The following PCDH11X variants were observed in gnomAD, a reference collection of about 807,000 sequenced individuals.
The protein encoded by PCDH11X is protocadherin-11 X-linked.
A neutral mutation model predicts 53.3 loss-of-function variants in PCDH11X; 18 were observed. The ratio of observed to expected loss-of-function variants is 0.34; its 90% CI spans 0.23 to 0.50. PCDH11X has a LOEUF of 0.50. Among genes scored for constraint, PCDH11X ranks in the 20% least tolerant of loss-of-function variants. The pLI is 0.98. For missense variants in PCDH11X, 570 were observed against 1,032.4 expected, an observed-to-expected ratio of 0.55 and a Z score of 6.14; for synonymous variants, 279 against 393.3, an observed-to-expected ratio of 0.71 and a Z score of 3.44.
chrX:92,279,184 T>A (rs186653883), intron 8 of PCDH11X, among the ~76,000 whole-genome samples: 1 of 112,411 alleles, frequency 8.9e-6, no homozygotes, highest in South Asian at 3.6e-4. Flanking sequence ...CTTCCCACTA[T>A]ATTTGATTCC....
intron 10 of PCDH11X, among the ~76,000 whole-genome samples, chrX:92,468,582 GTTAT>G (rs1042476864): frequency 9.2e-6 from 1 of 108,954 alleles, no homozygotes; most frequent in Non-Finnish European, 1.9e-5. Flanking sequence ...TGACTCTATA[GTTAT>G]TTATTTGGCT....
intron 8 of PCDH11X, among the ~76,000 whole-genome samples, chrX:92,371,083 A>AC (rs1205781197): frequency 9.0e-6 from 1 of 111,174 alleles, no homozygotes. Flanking sequence ...TTATCCTTCA[A>AC]CCTATTTGTG....
At chrX:91,937,305 A>G (rs1429815140) in intron 6 of PCDH11X, among the ~76,000 whole-genome samples, 1 of 111,145 alleles carries the variant, frequency 9.0e-6, no homozygotes, top group Non-Finnish European at 1.9e-5. Flanking sequence ...TACCTAATAT[A>G]TGGAACTATT....
At chrX:92,075,321 C>T (rs1326576882) in intron 6 of PCDH11X, among the ~76,000 whole-genome samples, 1 of 109,999 alleles carries the variant, frequency 9.1e-6, no homozygotes, top group Non-Finnish European at 1.9e-5. Context: ...TTCAAGGTTC[C>T]ACAGCTAGAA....
intron 6 of PCDH11X, among the ~76,000 whole-genome samples, chrX:92,044,194 A>G (rs2063250938): frequency 9.2e-6 from 1 of 108,467 alleles, no homozygotes; most frequent in Non-Finnish European, 1.9e-5. Flanking sequence ...GTTGTGACAA[A>G]GTAATTCTGA....
intron 6 of PCDH11X, chrX:91,883,185 A>T (rs1939997015): frequency 2.1e-6 from 2 of 931,844 alleles, no homozygotes. Flanking sequence ...GAGTACTCTC[A>T]TGCTGTTTCT....
intron 6 of PCDH11X, among the ~76,000 whole-genome samples, chrX:92,193,723 T>C (rs1422317144): frequency 1.8e-5 from 2 of 111,236 alleles, no homozygotes; most frequent in Non-Finnish European, 3.8e-5. Flanking sequence ...AAGTGTGTGA[T>C]AAACCCATGA....
At chrX:91,825,665 C>G (rs5984126) in intron 4 of PCDH11X, among the ~76,000 whole-genome samples, 3 of 108,345 alleles carry the variant, frequency 2.8e-5, no homozygotes, top group Non-Finnish European at 5.7e-5. Context: ...AGCTGTAGAC[C>G]GGAGCTGTTC....
intron 6 of PCDH11X, among the ~76,000 whole-genome samples, chrX:92,133,232 T>A (rs2065026234): frequency 8.9e-6 from 1 of 112,218 alleles, no homozygotes; most frequent in South Asian, 3.6e-4. Context: ...TGATAATTTA[T>A]ATTTTGCTAT....
At chrX:91,857,603 A>T (rs1275163137) in intron 5 of PCDH11X, among the ~76,000 whole-genome samples, 1 of 112,267 alleles carries the variant, frequency 8.9e-6, no homozygotes, top group Non-Finnish European at 1.9e-5. Context: ...CACCCATTCC[A>T]GATGGGAGAA....
At chrX:92,132,687 G>GTATATGTATATATATATGTA (rs2065014849) in intron 6 of PCDH11X, among the ~76,000 whole-genome samples, 1 of 67,719 alleles carries the variant, frequency 1.5e-5, no homozygotes, top group Non-Finnish European at 2.6e-5. Flanking sequence ...ATATATATAT[G>GTATATGTATATATATATGTA]TATATATATA....
At position 92,334,484 on chromosome X, in the gene PCDH11X, A is replaced by T. The variant is rs375281018; in HGVS notation, c.3145-53251A>T. 9.0e-5 allele frequency among the ~76,000 whole-genome samples: 10 copies of T among 111,661 alleles called. No individual in the cohort carries two copies. The East Asian group carries it at 2.6e-3, about 28-fold the overall frequency. On this transcript the variant is annotated intron_variant, in intron 8 of 10. Transcript: ENST00000682573. ...CAGTTCTCTCTCTAGTAAATTGTGTATTGTAGTAAAAAGTGATCTTTCAGT... is the reference window on the plus strand; with the variant it reads ...CAGTTCTCTCTCTAGTAAATTGTGTTTTGTAGTAAAAAGTGATCTTTCAGT...
chrX:92,010,714 C>T (rs2062675562), intron 6 of PCDH11X, among the ~76,000 whole-genome samples: 1 of 109,640 alleles, frequency 9.1e-6, no homozygotes, highest in Non-Finnish European at 1.9e-5. Context: ...AGTGAAAAAG[C>T]CACAATCACT....
intron 10 of PCDH11X, among the ~76,000 whole-genome samples, chrX:92,541,464 C>T (rs751824820): frequency 9.0e-6 from 1 of 111,274 alleles, no homozygotes; most frequent in East Asian, 2.8e-4. Context: ...TTTCTCCTAT[C>T]CTTTTTAATG....
chrX:92,166,983 G>A (rs1367985648), intron 6 of PCDH11X, among the ~76,000 whole-genome samples: 1 of 110,098 alleles, frequency 9.1e-6, no homozygotes, highest in Non-Finnish European at 1.9e-5. Flanking sequence ...GTAAACTGAT[G>A]ATTCCATCCT....
chrX:92,258,842 C>A (rs1019451862), intron 7 of PCDH11X, among the ~76,000 whole-genome samples: 5 of 111,823 alleles, frequency 4.5e-5, no homozygotes, highest in African/African-American at 1.6e-4. Context: ...AGAGCATAGG[C>A]TGTTAGAAGC....
In PCDH11X at chrX:92,590,481, G is replaced by A. The variant is rs771090603; in HGVS notation, c.3368-27783G>A. Among the ~76,000 whole-genome samples, 6 of 110,716 alleles carry A rather than the reference G, an allele frequency of 5.4e-5. No individual in the cohort carries two copies. In the East Asian group the frequency reaches 8.7e-4, roughly 16 times the overall value. On this transcript the variant is annotated intron_variant, in intron 10 of 10. Coordinates refer to ENST00000682573, the MANE Select transcript of PCDH11X (RefSeq NM_032968.5). Reference sequence around the variant, plus strand: ...TATCTCTGGTGCTGTCTCTGCTGATGAGGTGCTGTTGACCCACAGGGCTTG... The same window carrying A: ...TATCTCTGGTGCTGTCTCTGCTGATAAGGTGCTGTTGACCCACAGGGCTTG...
At chrX:92,027,117 C>T (rs778620178) in intron 6 of PCDH11X, among the ~76,000 whole-genome samples, 10 of 111,450 alleles carry the variant, frequency 9.0e-5, no homozygotes, top group East Asian at 2.8e-4. Context: ...TGTATATATA[C>T]ACACACACAG....
At chrX:92,298,620 C>T (rs1328493283) in intron 8 of PCDH11X, among the ~76,000 whole-genome samples, 25 of 111,047 alleles carry the variant, frequency 2.3e-4, no homozygotes, top group Non-Finnish European at 4.7e-4. Flanking sequence ...TTTGTTGTGT[C>T]TCTGCCAGGT....
Sources: gnomAD v4.1 joint callset for allele counts (sites outside exome capture counted in the v4.1 genomes callset) on GRCh38, gnomAD v4.1.1 for gene constraint, MANE v1.5 for transcripts, NCBI Gene and HGNC (gene_info 2026-07-23, HGNC 2026-07-21) for gene names.